Variants in DOK6 observed in about 807,000 individuals in gnomAD.
DOK6 encodes the protein docking protein 6.
Under a neutral mutation model 44.0 loss-of-function variants are expected in DOK6, and 22 were observed. That is an observed-to-expected ratio of 0.50 (90% CI 0.36 to 0.71). The LOEUF (loss-of-function observed/expected upper bound fraction) is 0.71, where lower values mean the gene tolerates loss of function less well. Ranked by LOEUF, DOK6 falls within the 30% of genes least tolerant of loss-of-function variation. The pLI is 0.00. For synonymous variants in DOK6, 166 were observed against 145.5 expected (o/e 1.14, Z -1.01); for missense variants, 340 against 416.4 (o/e 0.82, Z 1.60).
intron 1 of DOK6, among the ~76,000 whole-genome samples, chr18:69,510,865 T>C (rs958013518): frequency 9.9e-5 from 15 of 152,284 alleles, no homozygotes; most frequent in African/African-American, 3.1e-4. Context: ...TCTTCATCTT[T>C]GATCTCCCCT....
intron 3 of DOK6, among the ~76,000 whole-genome samples, chr18:69,605,999 C>A (rs150469338): frequency 6.6e-6 from 1 of 152,060 alleles, no homozygotes; most frequent in African/African-American, 2.4e-5. Context: ...CGGCCAGGTG[C>A]GGTGGCTCAC....
At position 69,842,275 on chromosome 18, in the gene DOK6, A is replaced by T. The variant is rs1459372519; in HGVS notation, c.*892A>T. 6.6e-6 allele frequency: 1 copy of T among 152,138 alleles called. No individual in the cohort carries two copies. The highest frequency in any genetic ancestry group is 1.5e-5 in the Non-Finnish European group (1 of 68,046). The allele number at this position is 152,138 out of a possible 1,614,324, so 9.4% of individuals were successfully genotyped here. A position where few individuals can be genotyped will look rare whatever the true frequency, so the allele number is the denominator to read the frequency against. ...AACCAGTCTAGCTGTCCTACACATC[A>T]TGTCATACCCTGTCTTTCTGGTGAG... is the stretch of plus-strand genomic sequence containing the variant. On this transcript the variant is annotated 3_prime_UTR_variant, in exon 8 of 8. Coordinates refer to ENST00000382713, the MANE Select transcript of DOK6 (RefSeq NM_152721.6).
At chr18:69,609,487 AAAT>A (rs1568310277) in intron 3 of DOK6, among the ~76,000 whole-genome samples, 37 of 134,410 alleles carry the variant, frequency 2.8e-4, no homozygotes, top group African/African-American at 6.0e-4. Flanking sequence ...CTATTACAAG[AAAT>A]AAATAAATAA....
At chr18:69,739,320 G>A (rs1432818753) in intron 6 of DOK6, among the ~76,000 whole-genome samples, 1 of 152,154 alleles carries the variant, frequency 6.6e-6, no homozygotes, top group African/African-American at 2.4e-5. Context: ...TGCACTTCTG[G>A]CATCTACCTA....
Position 69,757,854 on chromosome 18 carries a change from T to C in DOK6, c.837T>C (p.Gly279=), listed in dbSNP as rs775446361. Reference sequence around the variant, plus strand: ...ACATCACTCGTCAGAACAGCGTTGGTGAAATCTACAGTTTGCAAGGCAAGT... The same window carrying C: ...ACATCACTCGTCAGAACAGCGTTGGCGAAATCTACAGTTTGCAAGGCAAGT... ...WHHITRQNSV[G]EIYSLQGHGF... is the part of the protein sequence containing the mutation. Residue 279 remains glycine, a synonymous_variant, in exon 7 of 8, where the codon GGT becomes GGC. Transcript: ENST00000382713. 3.7e-6 allele frequency: 6 copies of C among 1,614,118 alleles called. No homozygotes were observed. Among genetic ancestry groups the C allele is most frequent in the Non-Finnish European group, 5.1e-6 (6 of 1,179,932 alleles).
chr18:69,701,893 T>C (rs1986527947), intron 5 of DOK6, among the ~76,000 whole-genome samples: 1 of 152,174 alleles, frequency 6.6e-6, no homozygotes, highest in South Asian at 2.1e-4. Context: ...TTCCTAAACC[T>C]TCGTTGGTCA....
At chr18:69,614,207 A>AT (rs1984228363) in intron 3 of DOK6, among the ~76,000 whole-genome samples, 3 of 151,944 alleles carry the variant, frequency 2.0e-5, no homozygotes, top group Admixed American at 1.3e-4. Flanking sequence ...TTTTCTAAGA[A>AT]TTTTTTTCCA....
chr18:69,567,618 G>A (rs116101992), intron 2 of DOK6, among the ~76,000 whole-genome samples: 1,608 of 152,254 alleles, frequency 0.011, 28 homozygotes, highest in African/African-American at 0.037. Context: ...TTAAGCCTGG[G>A]TCTGGCATTA....
intron 3 of DOK6, among the ~76,000 whole-genome samples, chr18:69,659,402 T>C (rs1175437681): frequency 6.6e-6 from 1 of 152,372 alleles, no homozygotes; most frequent in East Asian, 1.9e-4. Flanking sequence ...GCTGTGGTTT[T>C]GCAAAACTAA....
In DOK6 at chr18:69,698,627, T is replaced by TGTCTGTATAACAGA. The variant is rs777334836; in HGVS notation, c.599+52_599+65dup. The TGTCTGTATAACAGA allele has an allele frequency of 4.4e-6, 7 of 1,599,908 alleles. No individual in the cohort carries two copies. In the South Asian group the frequency reaches 7.9e-5, roughly 18 times the overall value. On this transcript the variant is annotated intron_variant, in intron 5 of 7. Coordinates refer to ENST00000382713, the MANE Select transcript of DOK6 (RefSeq NM_152721.6). ...TAGTGCAGCAGCCAAGTGCAGGAGTTGTCTGTATAACAGAGTCTGTATAAC... is the reference window on the plus strand; with the variant it reads ...TAGTGCAGCAGCCAAGTGCAGGAGTTGTCTGTATAACAGAGTCTGTATAACAGAGTCTGTATAAC...
chr18:69,565,129 G>A (rs1195857969), intron 2 of DOK6, among the ~76,000 whole-genome samples: 1 of 152,108 alleles, frequency 6.6e-6, no homozygotes, highest in Non-Finnish European at 1.5e-5. Flanking sequence ...ACCCCAAAAT[G>A]ACGCTAAATA....
intron 4 of DOK6, among the ~76,000 whole-genome samples, chr18:69,682,312 G>A (rs953742611): frequency 6.6e-6 from 1 of 152,152 alleles, no homozygotes; most frequent in African/African-American, 2.4e-5. Flanking sequence ...TTCATGTTTT[G>A]TAAAATAATG....
chr18:69,613,066 T>C (rs761669982), intron 3 of DOK6, among the ~76,000 whole-genome samples: 7 of 152,084 alleles, frequency 4.6e-5, no homozygotes, highest in Non-Finnish European at 1.0e-4. Flanking sequence ...AGATGGGGTT[T>C]CGTTATGTTG....
chr18:69,523,130 C>G (rs1165068627), intron 1 of DOK6, among the ~76,000 whole-genome samples: 1 of 152,072 alleles, frequency 6.6e-6, no homozygotes, highest in African/African-American at 2.4e-5. Flanking sequence ...CCAAGTCACT[C>G]TGTGGTGTGT....
In DOK6 at chr18:69,762,900, T is replaced by C. The variant is rs183050768; in HGVS notation, c.856+5027T>C. Among the ~76,000 whole-genome samples, 320 of 152,330 alleles carry C rather than the reference T, an allele frequency of 2.1e-3. 3 individuals are homozygous for C. Among genetic ancestry groups the C allele is most frequent in the Non-Finnish European group, 2.5e-3 (167 of 68,016 alleles). ...ACCTTCATCTTTGGAGAATGTCTAA[T>C]GGTGATTAAAAGTCAAGGTGAGAGC... On this transcript the variant is annotated intron_variant, in intron 7 of 7. Transcript: ENST00000382713.
At chr18:69,421,905 A>C (rs935939476) in intron 1 of DOK6, among the ~76,000 whole-genome samples, 2 of 134,094 alleles carry the variant, frequency 1.5e-5, no homozygotes, top group African/African-American at 5.3e-5. Flanking sequence ...GGGCTTCCTC[A>C]CCTTCACCTG....
intron 1 of DOK6, among the ~76,000 whole-genome samples, chr18:69,407,042 C>T (rs1323524564): frequency 6.6e-6 from 1 of 152,178 alleles, no homozygotes; most frequent in East Asian, 1.9e-4. Context: ...GATCGTGCCA[C>T]TGCACTCCAG....
At chr18:69,759,072 C>G (rs769765932) in intron 7 of DOK6, among the ~76,000 whole-genome samples, 1 of 150,988 alleles carries the variant, frequency 6.6e-6, no homozygotes, top group Non-Finnish European at 1.5e-5. Flanking sequence ...CTCTTATGGC[C>G]AACCTGACTG....
chr18:69,499,606 T>C (rs1980992499), intron 1 of DOK6, among the ~76,000 whole-genome samples: 1 of 152,192 alleles, frequency 6.6e-6, no homozygotes, highest in South Asian at 2.1e-4. Flanking sequence ...AATTCCCAAC[T>C]GTCATCAGTT....
Sources: gnomAD v4.1 joint callset for allele counts (sites outside exome capture counted in the v4.1 genomes callset) on GRCh38, gnomAD v4.1.1 for gene constraint, MANE v1.5 for transcripts, NCBI Gene and HGNC (gene_info 2026-07-23, HGNC 2026-07-21) for gene names.